Variants in LHFPL3 observed in about 807,000 individuals in gnomAD.
LHFPL3 encodes the protein LHFPL tetraspan subfamily member 3 protein.
Under a neutral mutation model 19.3 loss-of-function variants are expected in LHFPL3, and 5 were observed. The ratio of observed to expected loss-of-function variants is 0.26; its 90% CI spans 0.14 to 0.54. The LOEUF (loss-of-function observed/expected upper bound fraction) is 0.54. Among genes scored for constraint, LHFPL3 ranks in the 20% least tolerant of loss-of-function variants. LHFPL3 has a pLI of 0.94. For missense variants in LHFPL3, 249 were observed against 307.4 expected, an observed-to-expected ratio of 0.81 and a Z score of 1.42; for synonymous variants, 133 against 126.2, an observed-to-expected ratio of 1.05 and a Z score of -0.36.
chr7:104,489,893 C>T (rs953060896), intron 1 of LHFPL3, among the ~76,000 whole-genome samples: 26 of 152,146 alleles, frequency 1.7e-4, no homozygotes, highest in African/African-American at 6.3e-4. Flanking sequence ...ATGCAGATTT[C>T]ATAGCCTCCT....
intron 2 of LHFPL3, among the ~76,000 whole-genome samples, chr7:104,843,849 C>T (rs1361130799): frequency 6.6e-6 from 1 of 152,154 alleles, no homozygotes; most frequent in Non-Finnish European, 1.5e-5. Flanking sequence ...AGCCATTAAT[C>T]TGAGTTTCAT....
At chr7:104,356,534 G>C (rs4729999) in intron 1 of LHFPL3, among the ~76,000 whole-genome samples, 96,795 of 152,032 alleles carry the variant, frequency 0.64, 31,671 homozygotes, top group East Asian at 0.87. Flanking sequence ...TACCTTTAAT[G>C]CATCTTGGAA....
chr7:104,395,862 C>A (rs966716690), intron 1 of LHFPL3, among the ~76,000 whole-genome samples: 2 of 152,130 alleles, frequency 1.3e-5, no homozygotes, highest in Non-Finnish European at 2.9e-5. Flanking sequence ...GCAACACTCT[C>A]AAAAAATAAA....
In LHFPL3 at chr7:104,674,624, C is replaced by T. The variant is rs1056060433; in HGVS notation, c.446-62051C>T. Among the ~76,000 whole-genome samples, 3 of 152,014 alleles carry T rather than the reference C, an allele frequency of 2.0e-5. No individual in the cohort carries two copies. The East Asian group carries it at 5.8e-4, about 29-fold the overall frequency. ...CCTCGTGATCCACCTGCCTCGGCCT[C>T]CCAAAGTGCTGGGATTACAGGCGTG... On this transcript the variant is annotated intron_variant, in intron 1 of 2. Transcript: ENST00000424859.
intron 1 of LHFPL3, among the ~76,000 whole-genome samples, chr7:104,389,221 A>G (rs1029053169): frequency 3.9e-5 from 6 of 152,180 alleles, no homozygotes; most frequent in African/African-American, 1.4e-4. Context: ...GTATTTCTGT[A>G]CACTAGTAAT....
intron 1 of LHFPL3, among the ~76,000 whole-genome samples, chr7:104,601,882 C>G (rs552765784): frequency 4.6e-5 from 7 of 152,308 alleles, no homozygotes; most frequent in Non-Finnish European, 1.5e-5. Flanking sequence ...TAGGTGTGCT[C>G]ACTCCATCTT....
chr7:104,841,415 C>T (rs757300558), intron 2 of LHFPL3, among the ~76,000 whole-genome samples: 20 of 125,562 alleles, frequency 1.6e-4, no homozygotes, highest in Non-Finnish European at 2.8e-4. Flanking sequence ...ATTGCATCCT[C>T]GTTTGTGTCT....
At chr7:104,566,139 A>C (rs867015968) in intron 1 of LHFPL3, among the ~76,000 whole-genome samples, 1 of 152,220 alleles carries the variant, frequency 6.6e-6, no homozygotes, top group Middle Eastern at 3.4e-3. Context: ...TGGGCCCAGG[A>C]CTTTGAGACC....
At chr7:104,582,835 T>C (rs936006393) in intron 1 of LHFPL3, among the ~76,000 whole-genome samples, 2 of 151,994 alleles carry the variant, frequency 1.3e-5, no homozygotes, top group African/African-American at 4.8e-5. Context: ...TTGAATCAAT[T>C]TGCTAATGTT....
chr7:104,420,824 A>T (rs1002846711), intron 1 of LHFPL3, among the ~76,000 whole-genome samples: 1 of 152,110 alleles, frequency 6.6e-6, no homozygotes, highest in Non-Finnish European at 1.5e-5. Flanking sequence ...GGCCTCCCAA[A>T]GTGCTGGGAT....
intron 1 of LHFPL3, among the ~76,000 whole-genome samples, chr7:104,444,281 A>G (rs1425327629): frequency 2.0e-5 from 3 of 152,202 alleles, no homozygotes; most frequent in African/African-American, 7.2e-5. Flanking sequence ...CTCTGTAGAA[A>G]GCAAACAACA....
At chr7:104,653,911 C>G (rs186989575) in intron 1 of LHFPL3, among the ~76,000 whole-genome samples, 3 of 152,182 alleles carry the variant, frequency 2.0e-5, no homozygotes, top group African/African-American at 7.2e-5. Context: ...GCAGCCTCCA[C>G]GCAGAACCAG....
chr7:104,405,000 C>T (rs1295583078), intron 1 of LHFPL3, among the ~76,000 whole-genome samples: 9 of 152,044 alleles, frequency 5.9e-5, no homozygotes, highest in East Asian at 1.9e-4. Flanking sequence ...TGATAAGGTC[C>T]GTAAAACCAA....
intron 1 of LHFPL3, among the ~76,000 whole-genome samples, chr7:104,438,737 G>A (rs1162640240): frequency 7.9e-5 from 12 of 151,370 alleles, no homozygotes; most frequent in Admixed American, 7.2e-4. Context: ...GTAGAATGAA[G>A]GAAATAACAT....
intron 1 of LHFPL3, among the ~76,000 whole-genome samples, chr7:104,610,359 A>T (rs185365336): frequency 2.3e-4 from 35 of 152,184 alleles, no homozygotes; most frequent in African/African-American, 7.7e-4. Context: ...ACTCACTCCT[A>T]TGAGGTTTAT....
chr7:104,371,587 C>A (rs943674826), intron 1 of LHFPL3, among the ~76,000 whole-genome samples: 4 of 152,082 alleles, frequency 2.6e-5, no homozygotes, highest in African/African-American at 9.7e-5. Context: ...GCTTAACTTG[C>A]AAATTCTGGA....
At chr7:104,518,853 TAAAA>T (rs1210143606) in intron 1 of LHFPL3, among the ~76,000 whole-genome samples, 8 of 137,588 alleles carry the variant, frequency 5.8e-5, no homozygotes, top group East Asian at 2.0e-4. Flanking sequence ...ATAGAATAAA[TAAAA>T]AAACTGTGAT....
intron 2 of LHFPL3, among the ~76,000 whole-genome samples, chr7:104,860,878 A>T (rs930550556): frequency 1.3e-5 from 2 of 152,168 alleles, no homozygotes; most frequent in Admixed American, 6.5e-5. Flanking sequence ...CTAAGAATCC[A>T]GCCCCAAGGA....
intron 1 of LHFPL3, among the ~76,000 whole-genome samples, chr7:104,440,855 AAAG>A (rs1309482682): frequency 6.6e-6 from 1 of 152,188 alleles, no homozygotes; most frequent in Admixed American, 6.5e-5. Flanking sequence ...TTGGCTTTAA[AAAG>A]AAGTTTTTAT....
Sources: allele counts gnomAD v4.1 joint callset (sites outside exome capture counted in the v4.1 genomes callset), GRCh38; gene constraint gnomAD v4.1.1; transcripts MANE v1.5; gene names NCBI Gene and HGNC (gene_info 2026-07-23, HGNC 2026-07-21).